The following DNAAF11 variants were observed in gnomAD, a reference collection of about 807,000 sequenced individuals.
DNAAF11 encodes dynein axonemal assembly factor 11, also known as leucine rich repeat containing 6.
A neutral mutation model predicts 60.8 loss-of-function variants in DNAAF11; 45 were observed. The ratio of observed to expected loss-of-function variants is 0.74; its 90% confidence interval spans 0.58 to 0.95. The LOEUF (loss-of-function observed/expected upper bound fraction) is 0.95. Ranked by LOEUF, DNAAF11 falls within the 40% of genes least tolerant of loss-of-function variation. DNAAF11 has a pLI of 0.00. For synonymous variants in DNAAF11, 191 were observed against 183.5 expected, an observed-to-expected ratio of 1.04 and a Z score of -0.33; for missense variants, 546 against 546.2, an observed-to-expected ratio of 1.00 and a Z score of 0.00.
chr8:132,664,631 T>TTC (rs935344806), intron 1 of DNAAF11, among the ~76,000 whole-genome samples: 18 of 151,212 alleles, frequency 1.2e-4, no homozygotes, highest in Admixed American at 3.9e-4. Flanking sequence ...CCAGCTAATT[T>TTC]TTTTTTTTTT....
At chr8:132,698,364 C>A in the DNAAF11 span, among the ~76,000 whole-genome samples, 10 of 121,060 alleles carry the variant, frequency 8.3e-5, no homozygotes, top group African/African-American at 4.8e-4. Flanking sequence ...CTTCTGACCC[C>A]TCCCAGCCAG....
intron 1 of DNAAF11, among the ~76,000 whole-genome samples, chr8:132,662,088 G>A (rs1824196589): frequency 6.6e-6 from 1 of 152,170 alleles, no homozygotes; most frequent in African/African-American, 2.4e-5. Flanking sequence ...AAGGTCACAG[G>A]TCATTCATTT....
rs537313151 is a variant in DNAAF11, at chr8:132,593,479, G to A, written c.1141-9700C>T. Among the ~76,000 whole-genome samples, 189 of 150,510 alleles carry A rather than the reference G, an allele frequency of 1.3e-3. 1 individual carries two copies. Among genetic ancestry groups the A allele is most frequent in the African/African-American group, 4.4e-3 (179 of 41,142 alleles). ...ACCATACACTGGCAAACTTAATAACGTTAAGATGTCAGGTCTTCCCAGATT... is the reference window on the plus strand; with the variant it reads ...ACCATACACTGGCAAACTTAATAACATTAAGATGTCAGGTCTTCCCAGATT... On this transcript the variant is annotated intron_variant, in intron 10 of 11. Coordinates refer to ENST00000620350, the MANE Select transcript of DNAAF11 (RefSeq NM_012472.6).
intron 1 of DNAAF11, among the ~76,000 whole-genome samples, chr8:132,666,148 T>C (rs1238726065): frequency 6.6e-6 from 1 of 152,190 alleles, no homozygotes; most frequent in African/African-American, 2.4e-5. Flanking sequence ...GCTACTATGT[T>C]CACTGTTTGG....
chr8:132,656,001 T>C (rs1020637181), intron 3 of DNAAF11, among the ~76,000 whole-genome samples: 1 of 152,182 alleles, frequency 6.6e-6, no homozygotes, highest in African/African-American at 2.4e-5. Flanking sequence ...TTTCTAAGTG[T>C]CTGTCCTAGA....
At chr8:132,663,803 C>T (rs1338992047) in intron 1 of DNAAF11, among the ~76,000 whole-genome samples, 2 of 152,194 alleles carry the variant, frequency 1.3e-5, no homozygotes, top group South Asian at 2.1e-4. Flanking sequence ...TCTCCAGGTT[C>T]GTTCCTGAAG....
In DNAAF11 at chr8:132,661,340, G is replaced by A. The variant is rs558863391; in HGVS notation, c.178+120C>T. 46 of 791,340 alleles carry A rather than the reference G, an allele frequency of 5.8e-5. No individual in the cohort carries two copies. In the African/African-American group the frequency reaches 7.1e-4, roughly 12 times the overall value. 49.0% of individuals were successfully genotyped at this position (791,340 alleles called of 1,614,324 possible). A position where few individuals can be genotyped will look rare whatever the true frequency, so the allele number is the denominator to read the frequency against. On this transcript the variant is annotated intron_variant, in intron 2 of 11. Coordinates refer to ENST00000620350, the MANE Select transcript of DNAAF11 (RefSeq NM_012472.6). ...CACACAACCACTGAGAGATGGCTGT[G>A]TCTGTTTTCCCATGGAGTTTTTTTT...
At position 132,603,921 on chromosome 8, in the gene DNAAF11, G is replaced by T. The variant is rs146661664; in HGVS notation, c.1140+6245C>A. 4.2e-3 allele frequency among the ~76,000 whole-genome samples: 638 copies of T among 152,180 alleles called. 6 individuals carry two copies. Among genetic ancestry groups the T allele is most frequent in the African/African-American group, 0.015 (608 of 41,516 alleles). ...ATAGGATCCAATACACATCTAGAGG[G>T]ATTGCATACACCACAGACAGTTCAT... On this transcript the variant is annotated intron_variant, in intron 10 of 11. Transcript: ENST00000620350.
chr8:132,607,331 T>C (rs1168151234), intron 10 of DNAAF11, among the ~76,000 whole-genome samples: 2 of 152,200 alleles, frequency 1.3e-5, no homozygotes, highest in African/African-American at 4.8e-5. Flanking sequence ...GGGACCGTGA[T>C]ATTTGTGTAT....
the DNAAF11 span, among the ~76,000 whole-genome samples, chr8:132,694,440 G>T: frequency 6.6e-6 from 1 of 152,268 alleles, no homozygotes; most frequent in Admixed American, 6.5e-5. Flanking sequence ...CAAGCCAAGA[G>T]GGGAGGCCTC....
intron 4 of DNAAF11, among the ~76,000 whole-genome samples, chr8:132,636,496 G>T (rs1336877140): frequency 6.6e-6 from 1 of 152,102 alleles, no homozygotes; most frequent in Non-Finnish European, 1.5e-5. Context: ...AATGGGTCTG[G>T]GAGGATCAAA....
chr8:132,642,115 A>G (rs1329514011), intron 3 of DNAAF11, among the ~76,000 whole-genome samples: 1 of 152,242 alleles, frequency 6.6e-6, no homozygotes, highest in Non-Finnish European at 1.5e-5. Flanking sequence ...CAGAAAATAC[A>G]TGAAACTCAT....
At chr8:132,662,550 T>C (rs972110548) in intron 1 of DNAAF11, among the ~76,000 whole-genome samples, 3 of 152,214 alleles carry the variant, frequency 2.0e-5, no homozygotes, top group Non-Finnish European at 4.4e-5. Context: ...AGACTCACTG[T>C]CACTTACAAG....
At chr8:132,588,462 C>T (rs1261545136) in intron 10 of DNAAF11, among the ~76,000 whole-genome samples, 3 of 152,146 alleles carry the variant, frequency 2.0e-5, no homozygotes, top group African/African-American at 7.2e-5. Flanking sequence ...GAAATATTTA[C>T]TGAGCATCTG....
chr8:132,664,485 C>A (rs1245548746), intron 1 of DNAAF11, among the ~76,000 whole-genome samples: 1 of 152,162 alleles, frequency 6.6e-6, no homozygotes. Context: ...CTCTTTCTTC[C>A]TTTGAGACAC....
At chr8:132,590,278 C>T (rs556554479) in intron 10 of DNAAF11, among the ~76,000 whole-genome samples, 141 of 152,202 alleles carry the variant, frequency 9.3e-4, no homozygotes, top group Non-Finnish European at 1.9e-3. Context: ...ACTTCTCCAG[C>T]AGTGGTAGAG....
At chr8:132,596,085 A>T (rs1816989643) in intron 10 of DNAAF11, among the ~76,000 whole-genome samples, 1 of 152,162 alleles carries the variant, frequency 6.6e-6, no homozygotes, top group Non-Finnish European at 1.5e-5. Context: ...GAAGGAAATC[A>T]TGGGTTCATT....
the DNAAF11 span, among the ~76,000 whole-genome samples, chr8:132,696,955 G>T: frequency 6.6e-6 from 1 of 152,066 alleles, no homozygotes; most frequent in Admixed American, 6.6e-5. Context: ...CTTAGTACCT[G>T]GACACAAAAT....
chr8:132,646,457 T>C (rs567177266), intron 3 of DNAAF11, among the ~76,000 whole-genome samples: 1 of 152,172 alleles, frequency 6.6e-6, no homozygotes, highest in Non-Finnish European at 1.5e-5. Flanking sequence ...GCTAACATCA[T>C]AATGACAGGA....
Sources: gnomAD v4.1 joint callset for allele counts (sites outside exome capture counted in the v4.1 genomes callset) on GRCh38, gnomAD v4.1.1 for gene constraint, MANE v1.5 for transcripts, NCBI Gene and HGNC (gene_info 2026-07-23, HGNC 2026-07-21) for gene names.